DGLUCY: variants seen among roughly 807,000 people sequenced by gnomAD.
DGLUCY encodes D-glutamate cyclase, mitochondrial.
A neutral mutation model predicts 58.5 loss-of-function variants in DGLUCY; 58 were observed. The observed-to-expected ratio is 0.99, with a 90% CI of 0.80 to 1.23. The LOEUF (loss-of-function observed/expected upper bound fraction) is 1.23, where lower values mean the gene tolerates loss of function less well. DGLUCY is among the 50% of genes most tolerant of loss of function. DGLUCY has a pLI of 0.00. For missense variants in DGLUCY, 779 were observed against 784.7 expected (o/e 0.99, Z 0.09); for synonymous variants, 325 against 314.1 (o/e 1.03, Z -0.37).
intron 13 of DGLUCY, among the ~76,000 whole-genome samples, chr14:91,221,042 AT>A (rs1887402175): frequency 6.6e-6 from 1 of 152,238 alleles, no homozygotes; most frequent in Admixed American, 6.5e-5. Context: ...CCTGTTTTGC[AT>A]CACTGCCTTG....
intron 1 of DGLUCY, among the ~76,000 whole-genome samples, chr14:91,085,528 A>C (rs1032876650): frequency 2.7e-5 from 4 of 149,182 alleles, no homozygotes; most frequent in African/African-American, 9.9e-5. Context: ...AGATACCAAA[A>C]TCCATGAATG....
intron 13 of DGLUCY, among the ~76,000 whole-genome samples, chr14:91,216,956 G>A (rs1050238975): frequency 3.3e-5 from 5 of 152,202 alleles, no homozygotes; most frequent in African/African-American, 9.7e-5. Context: ...AGGTGGCAGC[G>A]GGACTGGCCC....
chr14:91,170,181 A>G lies in DGLUCY; in HGVS notation c.436A>G (p.Ser146Gly). The G allele has an allele frequency of 6.2e-7, 1 of 1,613,820 alleles. No homozygotes were observed. Among genetic ancestry groups the G allele is most frequent in the Non-Finnish European group, 8.5e-7 (1 of 1,179,998 alleles). ...GLPRRDPAGH[S>G]QAGAYKTTVP... is the part of the protein sequence containing the mutation. Reference sequence around the variant, plus strand: ...CCCCAGAAGAGACCCAGCAGGTCACAGCCAGGCGGGTGCATACAAGGTAGG... The same window carrying G: ...CCCCAGAAGAGACCCAGCAGGTCACGGCCAGGCGGGTGCATACAAGGTAGG... The change falls in exon 5 of 14, where the codon AGC becomes GGC. Residue 146 changes from serine (S) to glycine (G), a missense_variant. Physicochemically the swap from Ser to Gly is moderately conservative, Grantham distance 56. Transcript: ENST00000256324.
upstream of DGLUCY, among the ~76,000 whole-genome samples, chr14:91,113,841 G>C (rs1390174009): frequency 6.6e-6 from 1 of 152,194 alleles, no homozygotes; most frequent in African/African-American, 2.4e-5. Context: ...AAAATCCTTA[G>C]TGCCCAGGCC....
intron 3 of DGLUCY, among the ~76,000 whole-genome samples, chr14:91,162,383 G>A (rs886865427): frequency 4.0e-4 from 61 of 152,166 alleles, no homozygotes; most frequent in Non-Finnish European, 1.5e-4. Context: ...CTTCCATGGA[G>A]CCCAAGGCAG....
intron 1 of DGLUCY, among the ~76,000 whole-genome samples, chr14:91,066,023 C>T (rs1328325040): frequency 6.6e-6 from 1 of 152,220 alleles, no homozygotes; most frequent in African/African-American, 2.4e-5. Flanking sequence ...GGTCAGATTT[C>T]TGCTATGGCC....
chr14:91,157,087 ATGGATGAATGGG>A lies in DGLUCY; in HGVS notation c.-81-545_-81-534del, dbSNP rs1384029420. ...GGTGGATGGATGGATGGATGGATGG[ATGGATGAATGGG>A]TGGATGGATGGATGGATGGGTGGAT... On this transcript the variant is annotated intron_variant, in intron 1 of 13. Transcript: ENST00000256324. Among the ~76,000 whole-genome samples the A allele has an allele frequency of 9.5e-5, 14 of 146,890 alleles. 1 individual carries two copies. The highest frequency in any genetic ancestry group is 3.0e-4 in the African/African-American group (12 of 39,834).
chr14:91,142,840 A>AACACAC (rs558892923), intron 1 of DGLUCY, among the ~76,000 whole-genome samples: 7,030 of 124,176 alleles, frequency 0.057, 247 homozygotes, highest in Admixed American at 0.074. Context: ...ATCTCTACTA[A>AACACAC]ACACACACAC....
rs542614162 is a variant in DGLUCY at position 91,208,880 on chromosome 14, G to T, written c.1564+4055G>T. The stretch of plus-strand genomic sequence containing the variant: ...ATACTGTTATTTCAAAGCAGACTTT[G>T]TTGTAAATGTATGTTGCAAACTCTA... On this transcript the variant is annotated intron_variant, in intron 12 of 13. Transcript: ENST00000256324. Among the ~76,000 whole-genome samples the T allele has an allele frequency of 1.3e-3, 200 of 152,322 alleles. 1 individual carries two copies. The highest frequency in any genetic ancestry group is 4.5e-3 in the African/African-American group (188 of 41,590).
At chr14:91,089,342 A>G (rs1036952408) in intron 1 of DGLUCY, among the ~76,000 whole-genome samples, 4 of 152,220 alleles carry the variant, frequency 2.6e-5, no homozygotes, top group African/African-American at 9.6e-5. Context: ...CAGGGCAGAA[A>G]GAAGCAGGAG....
chr14:91,134,851 T>G (rs115454416), intron 1 of DGLUCY, among the ~76,000 whole-genome samples: 1 of 152,224 alleles, frequency 6.6e-6, no homozygotes, highest in Non-Finnish European at 1.5e-5. Context: ...ATAATTTATT[T>G]GTAGATAATG....
chr14:91,068,311 C>T (rs1030675740), intron 1 of DGLUCY, among the ~76,000 whole-genome samples: 1 of 152,158 alleles, frequency 6.6e-6, no homozygotes, highest in African/African-American at 2.4e-5. Context: ...CTGTGCCAAC[C>T]AGCACACAGC....
At chr14:91,117,410 C>T (rs1191115443) in intron 1 of DGLUCY, among the ~76,000 whole-genome samples, 3 of 152,108 alleles carry the variant, frequency 2.0e-5, no homozygotes, top group Non-Finnish European at 2.9e-5. Flanking sequence ...TTTTACCCAG[C>T]CCCTGTTCGA....
chr14:91,188,686 G>A lies in DGLUCY; in HGVS notation c.935-224G>A, dbSNP rs535755228. ...TTAAAAAATGCCAAAAAAAATTAGCGGGCTGTGGTGGCGCGTGCCTGTAGC... is the reference window on the plus strand; with the variant it reads ...TTAAAAAATGCCAAAAAAAATTAGCAGGCTGTGGTGGCGCGTGCCTGTAGC... On this transcript the variant is annotated intron_variant, in intron 8 of 13. Transcript: ENST00000256324. Among the ~76,000 whole-genome samples, 24 of 152,108 alleles carry A rather than the reference G, an allele frequency of 1.6e-4. 1 individual carries two copies. Among genetic ancestry groups the A allele is most frequent in the Admixed American group, 3.9e-4 (6 of 15,268 alleles).
intron 1 of DGLUCY, among the ~76,000 whole-genome samples, chr14:91,157,118 G>A (rs1401882659): frequency 7.2e-5 from 10 of 138,770 alleles, no homozygotes; most frequent in Middle Eastern, 3.5e-3. Flanking sequence ...TGGATGGATG[G>A]GTGGATGGAT....
At position 91,199,931 on chromosome 14, in the gene DGLUCY, C is replaced by G. The variant is rs771020291; in HGVS notation, c.1444+26C>G. On this transcript the variant is annotated intron_variant, in intron 11 of 13. Coordinates refer to ENST00000256324, the MANE Select transcript of DGLUCY (RefSeq NM_001102368.3). ...GTAAGTATGGAGTACTGGGGATGCACCAAGAACGTGGCCCCATGAAGTGTC... is the reference window on the plus strand; with the variant it reads ...GTAAGTATGGAGTACTGGGGATGCAGCAAGAACGTGGCCCCATGAAGTGTC... 20 of 1,613,312 alleles carry G rather than the reference C, an allele frequency of 1.2e-5. 1 individual carries two copies. The South Asian group carries it at 2.2e-4, about 18-fold the overall frequency.
At chr14:91,113,582 G>A (rs150333513), upstream of DGLUCY, among the ~76,000 whole-genome samples, 67 of 152,326 alleles carry the variant, frequency 4.4e-4, no homozygotes, top group African/African-American at 1.5e-3. Flanking sequence ...ACCTCTAAAT[G>A]TGGGTGGCAG....
chr14:91,067,080 C>CAAAAAAAAAAAA (rs778098019), intron 1 of DGLUCY, among the ~76,000 whole-genome samples: 1 of 71,034 alleles, frequency 1.4e-5, no homozygotes, highest in African/African-American at 5.0e-5. Context: ...GACTCCATCT[C>CAAAAAAAAAAAA]AAAAAAAAAA....
chr14:91,124,593 C>G (rs1184835728), intron 1 of DGLUCY, among the ~76,000 whole-genome samples: 1 of 152,192 alleles, frequency 6.6e-6, no homozygotes, highest in Non-Finnish European at 1.5e-5. Context: ...TCCTGTTACA[C>G]AGGGGTTGGT....
Sources: allele counts gnomAD v4.1 joint callset (sites outside exome capture counted in the v4.1 genomes callset), GRCh38; gene constraint gnomAD v4.1.1; transcripts MANE v1.5; gene names NCBI Gene and HGNC (gene_info 2026-07-23, HGNC 2026-07-21).